Variants in ETV1 observed in about 807,000 individuals in gnomAD.
The protein encoded by ETV1 is ETS variant transcription factor 1.
A neutral mutation model predicts 62.3 loss-of-function variants in ETV1; 27 were observed. That is an observed-to-expected ratio of 0.43 (90% CI 0.32 to 0.60). ETV1 has a LOEUF of 0.60. ETV1 is among the 20% of genes least tolerant of loss of function. The pLI, the probability that ETV1 is intolerant of heterozygous loss-of-function variation, is 0.06. For synonymous variants in ETV1, 222 were observed against 199.6 expected, an observed-to-expected ratio of 1.11 and a Z score of -0.94; for missense variants, 605 against 605.8, an observed-to-expected ratio of 1.00 and a Z score of 0.01.
At chr7:13,918,738 G>A (rs559512980) in intron 9 of ETV1, among the ~76,000 whole-genome samples, 14 of 151,374 alleles carry the variant, frequency 9.2e-5, no homozygotes, top group East Asian at 5.9e-4. Context: ...GTGGGGGGAC[G>A]GGGGAGGGAT....
At chr7:13,929,066 TC>T (rs1237225018) in intron 9 of ETV1, among the ~76,000 whole-genome samples, 2 of 152,232 alleles carry the variant, frequency 1.3e-5, no homozygotes, top group Non-Finnish European at 2.9e-5. Context: ...ACATAAAGTT[TC>T]TTGAAATCAT....
chr7:13,973,450 A>T (rs1222349079), intron 6 of ETV1, among the ~76,000 whole-genome samples: 2 of 152,058 alleles, frequency 1.3e-5, no homozygotes, highest in Non-Finnish European at 2.9e-5. Context: ...AGACCATCTA[A>T]CCTCTCAATT....
chr7:13,905,505 C>T (rs541027858), intron 12 of ETV1, among the ~76,000 whole-genome samples: 1 of 152,246 alleles, frequency 6.6e-6, no homozygotes, highest in East Asian at 1.9e-4. Flanking sequence ...TTGATATTAA[C>T]TTCACCTTTC....
intron 8 of ETV1, among the ~76,000 whole-genome samples, chr7:13,934,124 T>A (rs1350985112): frequency 6.6e-6 from 1 of 152,206 alleles, no homozygotes; most frequent in South Asian, 2.1e-4. Context: ...ATCTGTTTAA[T>A]GGCCCACCCT....
At chr7:13,975,044 G>T (rs1229476814) in intron 6 of ETV1, 3 of 152,290 alleles carry the variant, frequency 2.0e-5, no homozygotes, top group Non-Finnish European at 4.4e-5. Flanking sequence ...GTTCAAAGCT[G>T]TGCTGACCAA....
At chr7:13,900,058 G>A (rs1782254006) in intron 13 of ETV1, among the ~76,000 whole-genome samples, 1 of 152,232 alleles carries the variant, frequency 6.6e-6, no homozygotes, top group Admixed American at 6.5e-5. Flanking sequence ...GAACCTGGGG[G>A]ACTGAGGTTG....
At chr7:13,953,800 A>G (rs1017786902) in intron 6 of ETV1, among the ~76,000 whole-genome samples, 2 of 152,196 alleles carry the variant, frequency 1.3e-5, no homozygotes, top group African/African-American at 4.8e-5. Flanking sequence ...ATCTCTAACA[A>G]ATAGTTTAGA....
At chr7:13,919,926 A>G (rs974329070) in intron 9 of ETV1, among the ~76,000 whole-genome samples, 1 of 152,106 alleles carries the variant, frequency 6.6e-6, no homozygotes, top group Non-Finnish European at 1.5e-5. Flanking sequence ...AGATCCAAAC[A>G]TGTATCTTTA....
Position 13,977,612 on chromosome 7 carries a change from C to A in ETV1, c.182-132G>T, listed in dbSNP as rs563754856. The A allele has an allele frequency of 2.1e-4, 137 of 643,380 alleles. No homozygotes were observed. The African/African-American group carries it at 2.3e-3, about 11-fold the overall frequency. The allele number at this position is 643,380 out of a possible 1,614,324, so 39.9% of individuals were successfully genotyped here. ...ACCTATGATTATTTGCCAATGAGCT[C>A]CTATTTAAAATGGTATTGACAACAC... On this transcript the variant is annotated intron_variant, in intron 5 of 13. Coordinates refer to ENST00000430479, the MANE Select transcript of ETV1 (RefSeq NM_004956.5).
At chr7:13,902,630 A>G (rs1782556243) in intron 12 of ETV1, among the ~76,000 whole-genome samples, 1 of 152,316 alleles carries the variant, frequency 6.6e-6, no homozygotes, top group African/African-American at 2.4e-5. Context: ...TAGCAGCCGA[A>G]CTATATGCAA....
intron 12 of ETV1, among the ~76,000 whole-genome samples, chr7:13,903,785 T>C (rs990319030): frequency 6.7e-6 from 1 of 149,328 alleles, no homozygotes; most frequent in African/African-American, 2.5e-5. Flanking sequence ...AAAAAAAAAT[T>C]GTTTCCTGGA....
At chr7:13,907,080 A>G (rs1481639444) in intron 11 of ETV1, among the ~76,000 whole-genome samples, 1 of 152,186 alleles carries the variant, frequency 6.6e-6, no homozygotes, top group East Asian at 1.9e-4. Flanking sequence ...TGACCTGCTC[A>G]TGAAAAACTA....
At chr7:13,936,869 C>T (rs939610141) in intron 7 of ETV1, among the ~76,000 whole-genome samples, 2 of 151,818 alleles carry the variant, frequency 1.3e-5, no homozygotes, top group Admixed American at 6.6e-5. Flanking sequence ...GGTGAAACCC[C>T]GTCTCTACTA....
chr7:13,932,215 CAAA>C (rs1234270180), intron 8 of ETV1, among the ~76,000 whole-genome samples: 2 of 152,044 alleles, frequency 1.3e-5, no homozygotes, highest in Non-Finnish European at 2.9e-5. Context: ...GATCAATAAA[CAAA>C]AAACCAACCA....
rs367982907 is a variant in ETV1, at chr7:13,975,240, A to T, written c.235+2187T>A. On this transcript the variant is annotated intron_variant, in intron 6 of 13. Transcript: ENST00000430479. ...TTTCCATCACAGAAAGTTCTATGGG[A>T]CAGTGCTGGCATGGTGCATGTAAAA... 5.1e-4 allele frequency among the ~76,000 whole-genome samples: 78 copies of T among 152,256 alleles called. 1 individual carries two copies. The South Asian group carries it at 0.016, about 31-fold the overall frequency.
At chr7:13,991,112 A>G (rs935661112), upstream of ETV1, 2 of 152,184 alleles carry the variant, frequency 1.3e-5, no homozygotes, top group African/African-American at 4.8e-5. Context: ...GGAGTTCACA[A>G]CGCGCGCACC....
chr7:13,952,352 C>T (rs1480011917), intron 6 of ETV1, among the ~76,000 whole-genome samples: 1 of 152,080 alleles, frequency 6.6e-6, no homozygotes, highest in Non-Finnish European at 1.5e-5. Flanking sequence ...AGGAAAATGG[C>T]AAAGGTCTGG....
intron 12 of ETV1, chr7:13,906,187 GC>G: frequency 1.2e-5 from 4 of 346,092 alleles, no homozygotes; most frequent in Non-Finnish European, 2.1e-5. Context: ...AAGGTGCAAA[GC>G]ATGCTCTGGT....
intron 5 of ETV1, chr7:13,986,412 T>C (rs1782555994): frequency 1.3e-6 from 2 of 1,485,354 alleles, no homozygotes; most frequent in Non-Finnish European, 1.8e-6. Flanking sequence ...GATGTGATTG[T>C]GAGCTGGAAG....
Sources: allele counts gnomAD v4.1 joint callset (sites outside exome capture counted in the v4.1 genomes callset), GRCh38; gene constraint gnomAD v4.1.1; transcripts MANE v1.5; gene names NCBI Gene and HGNC (gene_info 2026-07-23, HGNC 2026-07-21).